Variants in GARNL3 observed in about 807,000 individuals in gnomAD.
GARNL3 encodes the protein GTPase activating Rap/RanGAP domain like 3.
In GARNL3, 63 loss-of-function variants were observed where a neutral mutation model predicts 125.0. The observed-to-expected ratio is 0.50, with a 90% CI of 0.41 to 0.62. The LOEUF is 0.62. GARNL3 is among the 20% of genes least tolerant of loss of function. The pLI, the probability that GARNL3 is intolerant of heterozygous loss-of-function variation, is 0.00. For missense variants in GARNL3, 994 were observed against 1,244.0 expected (o/e 0.80, Z 3.02); for synonymous variants, 439 against 457.5 (o/e 0.96, Z 0.52).
chr9:127,284,663 ATG>A (rs1221849793), intron 1 of GARNL3, among the ~76,000 whole-genome samples: 1 of 151,986 alleles, frequency 6.6e-6, no homozygotes, highest in Non-Finnish European at 1.5e-5. Flanking sequence ...CTATCACATT[ATG>A]TGTTTTCATA....
chr9:127,335,211 G>A lies in GARNL3; in HGVS notation c.770-19G>A, dbSNP rs1390571598. On this transcript the variant is annotated intron_variant, in intron 9 of 27. Coordinates refer to ENST00000373387, the MANE Select transcript of GARNL3 (RefSeq NM_032293.5). ...CTCGAATTCTCTGTGCTCACTGAAT[G>A]CATATTTATATTTTGCAGATGATAC... The A allele has an allele frequency of 6.6e-7, 1 of 1,517,206 alleles. No homozygotes were observed. The highest frequency in any genetic ancestry group is 9.2e-7 in the Non-Finnish European group (1 of 1,091,734). 94.0% of individuals were successfully genotyped at this position (1,517,206 alleles called of 1,614,324 possible).
At chr9:127,359,996 T>C (rs1403780732) in intron 21 of GARNL3, among the ~76,000 whole-genome samples, 1 of 138,808 alleles carries the variant, frequency 7.2e-6, no homozygotes, top group African/African-American at 2.8e-5. Context: ...TATACAAAGT[T>C]TTTTCCTAAG....
At chr9:127,282,688 A>C (rs2064135226) in intron 1 of GARNL3, among the ~76,000 whole-genome samples, 1 of 152,178 alleles carries the variant, frequency 6.6e-6, no homozygotes, top group Admixed American at 6.5e-5. Context: ...TTTCTAAGTA[A>C]AAATATTGTT....
At chr9:127,347,635 C>T (rs1830211075) in intron 16 of GARNL3, among the ~76,000 whole-genome samples, 1 of 152,130 alleles carries the variant, frequency 6.6e-6, no homozygotes, top group African/African-American at 2.4e-5. Flanking sequence ...GTTGGTGTTA[C>T]CTAATGCTGA....
At chr9:127,267,710 C>T (rs1407333357) in intron 1 of GARNL3, among the ~76,000 whole-genome samples, 1 of 152,140 alleles carries the variant, frequency 6.6e-6, no homozygotes, top group African/African-American at 2.4e-5. Context: ...TTCTGAACAA[C>T]AGAGTATTAT....
intron 1 of GARNL3, among the ~76,000 whole-genome samples, chr9:127,265,256 C>T (rs2063679116): frequency 6.6e-6 from 1 of 151,914 alleles, no homozygotes; most frequent in South Asian, 2.1e-4. Context: ...AAATATGTTA[C>T]GGCTTGGTAT....
chr9:127,227,860 T>G (rs2062941461), intron 1 of GARNL3, among the ~76,000 whole-genome samples: 1 of 148,232 alleles, frequency 6.7e-6, no homozygotes, highest in African/African-American at 2.5e-5. Flanking sequence ...TTTGAGGTTA[T>G]AGTGAGCTGT....
chr9:127,269,432 C>T (rs1340572550), intron 1 of GARNL3, among the ~76,000 whole-genome samples: 2 of 152,168 alleles, frequency 1.3e-5, no homozygotes, highest in African/African-American at 4.8e-5. Context: ...AGTTTATTAA[C>T]TAGGAGTGGA....
upstream of GARNL3, among the ~76,000 whole-genome samples, chr9:127,263,357 A>G (rs1031481816): frequency 6.6e-6 from 1 of 152,096 alleles, no homozygotes; most frequent in Non-Finnish European, 1.5e-5. Flanking sequence ...TTAATTTCCT[A>G]GTGGGCCTGG....
chr9:127,339,492 A>G (rs987160068), intron 12 of GARNL3, among the ~76,000 whole-genome samples, 153 bp from the exon 13 acceptor site: 2 of 152,096 alleles, frequency 1.3e-5, no homozygotes, highest in Non-Finnish European at 2.9e-5. Flanking sequence ...ATAGCACGGG[A>G]AAGACTGGCC....
chr9:127,267,052 A>C (rs2063720220), intron 1 of GARNL3, among the ~76,000 whole-genome samples: 1 of 152,158 alleles, frequency 6.6e-6, no homozygotes, highest in Non-Finnish European at 1.5e-5. Context: ...TTGCAATTCT[A>C]ACAAGTTCCC....
chr9:127,225,383 G>A (rs1564831372), intron 1 of GARNL3: 7 of 984,768 alleles, frequency 7.1e-6, no homozygotes, highest in Non-Finnish European at 6.0e-6. Flanking sequence ...GGCGCAGGGG[G>A]TGCAGCTTCG....
chr9:127,329,801 CCT>C (rs1186905519), intron 7 of GARNL3, among the ~76,000 whole-genome samples: 1 of 152,134 alleles, frequency 6.6e-6, no homozygotes, highest in African/African-American at 2.4e-5. Context: ...TGCGCAAGTC[CCT>C]GTCTTCCCTG....
chr9:127,261,394 GT>G (rs1007972777), upstream of GARNL3, among the ~76,000 whole-genome samples: 1 of 142,534 alleles, frequency 7.0e-6, no homozygotes, highest in Non-Finnish European at 1.5e-5. Flanking sequence ...ATGGGAAGGT[GT>G]TTTTTTTGTT....
intron 2 of GARNL3, among the ~76,000 whole-genome samples, chr9:127,294,564 C>T (rs2812274): frequency 0.78 from 118,361 of 152,218 alleles, 46,232 homozygotes; most frequent in Admixed American, 0.82. Flanking sequence ...GGCCTCCCAA[C>T]ATGCTGGGAT....
chr9:127,315,844 G>A (rs566929410), intron 4 of GARNL3, among the ~76,000 whole-genome samples: 159 of 152,128 alleles, frequency 1.0e-3, no homozygotes, highest in Non-Finnish European at 1.6e-3. Flanking sequence ...ACTACTCAGA[G>A]ATAATCACTG....
intron 1 of GARNL3, among the ~76,000 whole-genome samples, chr9:127,265,583 T>A (rs1176245563): frequency 6.6e-6 from 1 of 152,248 alleles, no homozygotes; most frequent in Non-Finnish European, 1.5e-5. Flanking sequence ...CTATGATTTT[T>A]AAAATTTGTG....
chr9:127,325,046 AC>A, intron 6 of GARNL3, 22 bp from the exon 7 acceptor site: 1 of 1,610,804 alleles, frequency 6.2e-7, no homozygotes, highest in South Asian at 1.1e-5. Flanking sequence ...CCTGGATGTA[AC>A]TTTTAAAACT....
chr9:127,357,561 TTCTA>T (rs1162650358), intron 21 of GARNL3, among the ~76,000 whole-genome samples, 184 bp downstream of exon 21: 1 of 152,164 alleles, frequency 6.6e-6, no homozygotes, highest in Non-Finnish European at 1.5e-5. Context: ...GTCAGAATGG[TTCTA>T]TCTATTATCA....
Sources: allele counts gnomAD v4.1 joint callset (sites outside exome capture counted in the v4.1 genomes callset), GRCh38; gene constraint gnomAD v4.1.1; transcripts MANE v1.5; gene names NCBI Gene and HGNC (gene_info 2026-07-23, HGNC 2026-07-21).